DGKB: variants seen among roughly 807,000 people sequenced by gnomAD.
The protein encoded by DGKB is diacylglycerol kinase beta, also known as 90 kDa diacylglycerol kinase.
A neutral mutation model predicts 114.3 loss-of-function variants in DGKB; 67 were observed. That is an observed-to-expected ratio of 0.59 (90% CI 0.48 to 0.72). The LOEUF (loss-of-function observed/expected upper bound fraction) is 0.72, where lower values mean the gene tolerates loss of function less well. Ranked by LOEUF, DGKB falls within the 30% of genes least tolerant of loss-of-function variation. The probability of loss-of-function intolerance (pLI) is 0.00; values close to 1 mark genes in which losing one functional copy is unlikely to be tolerated. For missense variants in DGKB, 907 were observed against 975.2 expected (o/e 0.93, Z 0.93); for synonymous variants, 398 against 323.1 (o/e 1.23, Z -2.49).
At chr7:14,396,557 C>A (rs965443656) in intron 21 of DGKB, among the ~76,000 whole-genome samples, 2 of 152,100 alleles carry the variant, frequency 1.3e-5, no homozygotes, top group Non-Finnish European at 2.9e-5. Context: ...GGCCATGGAC[C>A]AAAAGGCTGT....
intron 23 of DGKB, among the ~76,000 whole-genome samples, chr7:14,220,488 A>G (rs1789761024): frequency 6.6e-6 from 1 of 151,480 alleles, no homozygotes; most frequent in African/African-American, 2.4e-5. Context: ...ATATATGTCT[A>G]TCCTTATGTT....
At chr7:14,848,562 G>T (rs187190860) in intron 1 of DGKB, among the ~76,000 whole-genome samples, 1 of 152,144 alleles carries the variant, frequency 6.6e-6, no homozygotes, top group African/African-American at 2.4e-5. Context: ...ATGGCTGTTT[G>T]CCTGATGTGG....
intron 2 of DGKB, among the ~76,000 whole-genome samples, chr7:14,786,267 A>G (rs566759360): frequency 1.4e-4 from 21 of 152,308 alleles, no homozygotes; most frequent in Admixed American, 3.9e-4. Context: ...ACTGGTTATA[A>G]TCGGTTGAAT....
chr7:14,244,962 T>C lies in DGKB; in HGVS notation c.2123-66811A>G, dbSNP rs148377826. Among the ~76,000 whole-genome samples, 80 of 152,278 alleles carry C rather than the reference T, an allele frequency of 5.3e-4. 2 individuals carry two copies. The East Asian group carries it at 0.013, about 25-fold the overall frequency. On this transcript the variant is annotated intron_variant, in intron 23 of 25. Transcript: ENST00000402815. ...CAGCCCAAATAGACTAAGACAGTAA[T>C]GAAGTTCAGGCAACTCTTCTTACCC...
At chr7:14,392,031 A>G (rs1301762815) in intron 21 of DGKB, among the ~76,000 whole-genome samples, 1 of 152,270 alleles carries the variant, frequency 6.6e-6, no homozygotes, top group African/African-American at 2.4e-5. Context: ...CTCTTAGTAC[A>G]TTTATAATAT....
chr7:14,644,322 T>C (rs546357970), intron 13 of DGKB, among the ~76,000 whole-genome samples: 27 of 151,882 alleles, frequency 1.8e-4, no homozygotes, highest in Admixed American at 1.2e-3. Context: ...GACAAACCAA[T>C]AAAACATAAC....
intron 17 of DGKB, among the ~76,000 whole-genome samples, chr7:14,593,389 A>G (rs1802012671): frequency 6.6e-6 from 1 of 152,076 alleles, no homozygotes; most frequent in African/African-American, 2.4e-5. Context: ...GACAGGTTCT[A>G]TGATGTAGCC....
chr7:14,171,236 G>C (rs1780946703), intron 25 of DGKB, among the ~76,000 whole-genome samples: 1 of 152,178 alleles, frequency 6.6e-6, no homozygotes, highest in Non-Finnish European at 1.5e-5. Flanking sequence ...TCTAGAAGTT[G>C]CCGTGGCCTC....
chr7:14,951,932 TA>T (rs1424021044), intron 1 of DGKB, among the ~76,000 whole-genome samples: 2 of 152,058 alleles, frequency 1.3e-5, no homozygotes, highest in African/African-American at 4.8e-5. Flanking sequence ...AAAGGAAAGA[TA>T]TGCTATAGGT....
chr7:14,763,657 A>T (rs139022810), intron 2 of DGKB, among the ~76,000 whole-genome samples: 40 of 152,216 alleles, frequency 2.6e-4, no homozygotes, highest in African/African-American at 9.4e-4. Context: ...AAAAGAATGT[A>T]CAGTAGTGAT....
chr7:14,645,936 C>CA (rs1812905497), intron 13 of DGKB, among the ~76,000 whole-genome samples: 1 of 151,846 alleles, frequency 6.6e-6, no homozygotes, highest in African/African-American at 2.4e-5. Context: ...AAGCAAACTG[C>CA]AAAAAATAAC....
At chr7:14,424,985 A>G (rs1827284369) in intron 21 of DGKB, among the ~76,000 whole-genome samples, 1 of 152,178 alleles carries the variant, frequency 6.6e-6, no homozygotes, top group Non-Finnish European at 1.5e-5. Flanking sequence ...CAAGTCTCAC[A>G]TAAATACATA....
intron 13 of DGKB, among the ~76,000 whole-genome samples, chr7:14,672,414 G>C (rs1222652939): frequency 1.3e-5 from 2 of 151,836 alleles, no homozygotes; most frequent in African/African-American, 4.8e-5. Flanking sequence ...ATTGAATTAA[G>C]TAATTATTTT....
intron 1 of DGKB, among the ~76,000 whole-genome samples, chr7:14,863,559 A>T (rs943106689): frequency 1.3e-5 from 2 of 152,044 alleles, no homozygotes. Context: ...CTACATACTT[A>T]CAGTGCTACC....
chr7:14,776,743 T>C (rs1317836256), intron 2 of DGKB, among the ~76,000 whole-genome samples: 3 of 152,210 alleles, frequency 2.0e-5, no homozygotes, highest in African/African-American at 4.8e-5. Context: ...GAACCTCTGC[T>C]AGGGCAGTGG....
At chr7:14,492,856 T>C (rs1704731343) in intron 20 of DGKB, among the ~76,000 whole-genome samples, 1 of 152,130 alleles carries the variant, frequency 6.6e-6, no homozygotes, top group South Asian at 2.1e-4. Context: ...GGTTAAACTT[T>C]AATGGATTGA....
intron 21 of DGKB, among the ~76,000 whole-genome samples, chr7:14,366,522 AG>A (rs1303996188): frequency 6.6e-6 from 1 of 152,128 alleles, no homozygotes; most frequent in East Asian, 1.9e-4. Context: ...TGTTAGTGAG[AG>A]GAACATGTGT....
chr7:14,844,885 T>C (rs1464664117), intron 1 of DGKB, among the ~76,000 whole-genome samples: 1 of 151,954 alleles, frequency 6.6e-6, no homozygotes, highest in Admixed American at 6.6e-5. Context: ...GGTGGGTGGA[T>C]CACTTGAGCT....
intron 1 of DGKB, among the ~76,000 whole-genome samples, chr7:14,913,735 T>C (rs1784102607): frequency 6.6e-6 from 1 of 151,966 alleles, no homozygotes; most frequent in African/African-American, 2.4e-5. Context: ...TAAAAAATAA[T>C]GGTAAAATCT....
Sources: gnomAD v4.1 joint callset for allele counts (sites outside exome capture counted in the v4.1 genomes callset) on GRCh38, gnomAD v4.1.1 for gene constraint, MANE v1.5 for transcripts, NCBI Gene and HGNC (gene_info 2026-07-23, HGNC 2026-07-21) for gene names.